The following CAMSAP2 variants were observed in gnomAD, a reference collection of about 807,000 sequenced individuals.
The protein encoded by CAMSAP2 is calmodulin-regulated spectrin-associated protein 2.
Under a neutral mutation model 146.1 loss-of-function variants are expected in CAMSAP2, and 26 were observed. The observed-to-expected ratio is 0.18, with a 90% CI of 0.13 to 0.25. The LOEUF is 0.25. CAMSAP2 is among the 10% of genes least tolerant of loss of function. The pLI, the probability that CAMSAP2 is intolerant of heterozygous loss-of-function variation, is 1.00. For synonymous variants in CAMSAP2, 499 were observed against 596.6 expected, an observed-to-expected ratio of 0.84 and a Z score of 2.38; for missense variants, 1,381 against 1,759.3, an observed-to-expected ratio of 0.78 and a Z score of 3.85.
intron 1 of CAMSAP2, among the ~76,000 whole-genome samples, chr1:200,756,551 A>G (rs115044842): frequency 0.015 from 2,215 of 152,262 alleles, 35 homozygotes; most frequent in Non-Finnish European, 0.023. Context: ...TCAAAGCCCA[A>G]ATTTTTCCAA....
intron 2 of CAMSAP2, among the ~76,000 whole-genome samples, chr1:200,792,565 A>G (rs1665783470): frequency 6.6e-6 from 1 of 152,164 alleles, no homozygotes; most frequent in African/African-American, 2.4e-5. Context: ...AAATTGCTTG[A>G]ACCCGGGAGG....
intron 2 of CAMSAP2, among the ~76,000 whole-genome samples, chr1:200,800,970 T>C (rs1417196581): frequency 6.6e-6 from 1 of 152,148 alleles, no homozygotes; most frequent in Non-Finnish European, 1.5e-5. Flanking sequence ...AATTCTTTTC[T>C]TTAAGAAGGT....
At chr1:200,785,976 C>T (rs1665579236) in intron 2 of CAMSAP2, among the ~76,000 whole-genome samples, 1 of 152,238 alleles carries the variant, frequency 6.6e-6, no homozygotes, top group African/African-American at 2.4e-5. Context: ...AGGCGTGAGC[C>T]ACGGCACCCA....
chr1:200,830,221 G>A (rs1220934868), intron 4 of CAMSAP2, among the ~76,000 whole-genome samples: 1 of 152,176 alleles, frequency 6.6e-6, no homozygotes, highest in African/African-American at 2.4e-5. Context: ...ACAATCTTTA[G>A]GAAAATGTTT....
chr1:200,830,280 T>C (rs1228913893), intron 4 of CAMSAP2, among the ~76,000 whole-genome samples: 4 of 151,892 alleles, frequency 2.6e-5, no homozygotes, highest in Non-Finnish European at 5.9e-5. Context: ...TAGATACTTA[T>C]TGCTAATGTC....
chr1:200,798,609 G>T (rs1302072423), intron 2 of CAMSAP2, among the ~76,000 whole-genome samples: 2 of 142,024 alleles, frequency 1.4e-5, no homozygotes, highest in African/African-American at 5.3e-5. Flanking sequence ...CATGTCGTCT[G>T]CAAACAGGGA....
At position 200,816,845 on chromosome 1, in the gene CAMSAP2, T is replaced by C. The variant is rs1344744230; in HGVS notation, c.645+1201T>C. On this transcript the variant is annotated intron_variant, in intron 4 of 16. Coordinates refer to ENST00000358823, the MANE Select transcript of CAMSAP2 (RefSeq NM_203459.4). ...ACACACACACGCGTGTGTATGTGTGTACACACACACGCGTGTGTATGTGTG... is the reference window on the plus strand; with the variant it reads ...ACACACACACGCGTGTGTATGTGTGCACACACACACGCGTGTGTATGTGTG... Among the ~76,000 whole-genome samples, 11 of 59,754 alleles carry C rather than the reference T, an allele frequency of 1.8e-4. 1 individual carries two copies. The South Asian group carries it at 2.1e-3, about 11-fold the overall frequency. The allele number at this position is 59,754 out of a possible 152,430, so 39.2% of individuals were successfully genotyped here.
At chr1:200,779,472 C>A (rs1180133929) in intron 2 of CAMSAP2, among the ~76,000 whole-genome samples, 1 of 151,894 alleles carries the variant, frequency 6.6e-6, no homozygotes, top group Non-Finnish European at 1.5e-5. Context: ...TTCAGGACAC[C>A]CAGGAAAAGA....
At chr1:200,744,932 G>A (rs1664279099) in intron 1 of CAMSAP2, among the ~76,000 whole-genome samples, 1 of 151,084 alleles carries the variant, frequency 6.6e-6, no homozygotes, top group South Asian at 2.1e-4. Flanking sequence ...GTGAGGTGAA[G>A]GAATTTGGTA....
rs1000710275 is a variant in CAMSAP2 at position 200,739,397 on chromosome 1, A to G, written c.-431A>G. On this transcript the variant is annotated 5_prime_UTR_variant, in exon 1 of 17. Transcript: ENST00000358823. This position sits in a 1 kb window ranked among gnomAD's most constrained non-coding sequence, Gnocchi z 4.8. ...TCGCGATGGCGGGGACATTTTCCACAACGTGATTGTTGAAGGCTCCCCCCA... is the reference window on the plus strand; with the variant it reads ...TCGCGATGGCGGGGACATTTTCCACGACGTGATTGTTGAAGGCTCCCCCCA... Among the ~76,000 whole-genome samples, 1 of 152,008 alleles carries G rather than the reference A, an allele frequency of 6.6e-6. No homozygotes were observed. Among genetic ancestry groups the G allele is most frequent in the Non-Finnish European group, 1.5e-5 (1 of 67,946 alleles).
intron 2 of CAMSAP2, among the ~76,000 whole-genome samples, chr1:200,761,891 C>G (rs868505222): frequency 8.5e-5 from 13 of 152,376 alleles, no homozygotes; most frequent in South Asian, 8.3e-4. Flanking sequence ...CATGCAGGAA[C>G]TCTCTCATAG....
In CAMSAP2 at chr1:200,761,326, A is replaced by G. The variant is rs181197459; in HGVS notation, c.399+228A>G. The stretch of plus-strand genomic sequence containing the variant: ...TGGAGAAACAACTACATAATTTCCA[A>G]CTACCTTAATGTAATTTTAATTGAA... On this transcript the variant is annotated intron_variant, in intron 2 of 16. Coordinates refer to ENST00000358823, the MANE Select transcript of CAMSAP2 (RefSeq NM_203459.4). 2.0e-4 allele frequency among the ~76,000 whole-genome samples: 31 copies of G among 152,372 alleles called. No homozygotes were observed. The East Asian group carries it at 3.3e-3, about 16-fold the overall frequency.
intron 2 of CAMSAP2, among the ~76,000 whole-genome samples, chr1:200,762,117 A>G (rs562152781): frequency 1.3e-5 from 2 of 152,350 alleles, no homozygotes; most frequent in South Asian, 2.1e-4. Flanking sequence ...TATAAAATTT[A>G]TGAAGTTATG....
At chr1:200,814,238 T>C (rs1666416807) in intron 3 of CAMSAP2, among the ~76,000 whole-genome samples, 1 of 151,898 alleles carries the variant, frequency 6.6e-6, no homozygotes, top group African/African-American at 2.4e-5. Context: ...CCTCCCCGAA[T>C]TGGTAAAGAG....
intron 13 of CAMSAP2, among the ~76,000 whole-genome samples, chr1:200,854,157 T>C (rs1376086754): frequency 2.0e-5 from 3 of 152,070 alleles, no homozygotes; most frequent in African/African-American, 4.8e-5. Context: ...CTTTTTTGTA[T>C]TTTTTGTACA....
At chr1:200,783,689 T>C (rs1295826753) in intron 2 of CAMSAP2, among the ~76,000 whole-genome samples, 2 of 152,040 alleles carry the variant, frequency 1.3e-5, no homozygotes, top group Non-Finnish European at 2.9e-5. Context: ...AGGGCCTCAC[T>C]GTGTTGCCCA....
At chr1:200,796,745 T>A (rs1437530080) in intron 2 of CAMSAP2, among the ~76,000 whole-genome samples, 1 of 151,982 alleles carries the variant, frequency 6.6e-6, no homozygotes, top group East Asian at 1.9e-4. Flanking sequence ...TATGTATACA[T>A]GTGCCATGCT....
chr1:200,845,618 A>T (rs919391371), intron 8 of CAMSAP2, among the ~76,000 whole-genome samples: 5 of 152,182 alleles, frequency 3.3e-5, no homozygotes, highest in Non-Finnish European at 5.9e-5. Context: ...TAATGGTAAT[A>T]CATTTCCGTC....
At chr1:200,838,118 A>AT (rs1422648726) in intron 6 of CAMSAP2, among the ~76,000 whole-genome samples, 1 of 152,112 alleles carries the variant, frequency 6.6e-6, no homozygotes, top group Non-Finnish European at 1.5e-5. Flanking sequence ...CATAATCTTC[A>AT]TAAGTTTTAA....
Sources: gnomAD v4.1 joint callset for allele counts (sites outside exome capture counted in the v4.1 genomes callset) on GRCh38, gnomAD v4.1.1 for gene constraint, Gnocchi (gnomAD v3.1) non-coding constraint, MANE v1.5 for transcripts, NCBI Gene and HGNC (gene_info 2026-07-23, HGNC 2026-07-21) for gene names.